Variants in UNC79 observed in about 807,000 individuals in gnomAD.
UNC79 encodes the protein protein unc-79 homolog.
A neutral mutation model predicts 283.1 loss-of-function variants in UNC79; 37 were observed. That is an observed-to-expected ratio of 0.13 (90% confidence interval 0.10 to 0.17). UNC79 has a LOEUF of 0.17. Ranked by LOEUF, UNC79 falls within the 10% of genes least tolerant of loss-of-function variation. The probability of loss-of-function intolerance (pLI) is 1.00; values close to 1 mark genes in which losing one functional copy is unlikely to be tolerated. For missense variants in UNC79, 2,272 were observed against 3,211.1 expected, an observed-to-expected ratio of 0.71 and a Z score of 7.07; for synonymous variants, 1,107 against 1,200.2, an observed-to-expected ratio of 0.92 and a Z score of 1.61.
Position 93,680,099 on chromosome 14 carries a change from C to T in UNC79, c.6742-2518C>T, listed in dbSNP as rs145073536. On this transcript the variant is annotated intron_variant, in intron 41 of 48. Transcript: ENST00000555664. ...TTAATATGCCGGATTCTCTGTGTACCTCCTTTACTTTTAGGGTGATTTTTG... is the reference window on the plus strand; with the variant it reads ...TTAATATGCCGGATTCTCTGTGTACTTCCTTTACTTTTAGGGTGATTTTTG... 1.7e-3 allele frequency among the ~76,000 whole-genome samples: 261 copies of T among 152,170 alleles called. 1 individual carries two copies. The highest frequency in any genetic ancestry group is 5.8e-3 in the African/African-American group (241 of 41,524).
intron 1 of UNC79, among the ~76,000 whole-genome samples, chr14:93,335,328 G>T (rs1028514134): frequency 2.6e-5 from 4 of 152,186 alleles, no homozygotes; most frequent in Non-Finnish European, 5.9e-5. Context: ...ACACTCATCA[G>T]AATTTAGATG....
chr14:93,590,917 G>A (rs989295150), intron 22 of UNC79, among the ~76,000 whole-genome samples: 24 of 152,162 alleles, frequency 1.6e-4, no homozygotes, highest in Admixed American at 1.0e-3. Context: ...TTGTGCTCTG[G>A]AAGCATCATC....
At chr14:93,509,727 C>T (rs1480392013) in intron 7 of UNC79, among the ~76,000 whole-genome samples, 2 of 152,162 alleles carry the variant, frequency 1.3e-5, no homozygotes, top group Non-Finnish European at 2.9e-5. Flanking sequence ...CTGCAAGGTA[C>T]ATCCTCTGCA....
chr14:93,460,586 G>A (rs72691022), intron 1 of UNC79, among the ~76,000 whole-genome samples: 12,957 of 151,614 alleles, frequency 0.085, 608 homozygotes, highest in Middle Eastern at 0.14. Context: ...ACTTAATGAT[G>A]TATATACTCT....
intron 38 of UNC79, 21 bp from the exon 42 acceptor site, chr14:93,659,172 T>C: frequency 1.3e-6 from 2 of 1,580,252 alleles, no homozygotes; most frequent in Non-Finnish European, 1.7e-6. Context: ...AATTTTTACT[T>C]TTTTTCATAT....
chr14:93,610,139 T>C (rs2066196090), intron 26 of UNC79, among the ~76,000 whole-genome samples: 1 of 151,920 alleles, frequency 6.6e-6, no homozygotes, highest in Middle Eastern at 3.2e-3. Flanking sequence ...AGAAGAAGGG[T>C]TTTTAAATAT....
intron 1 of UNC79, among the ~76,000 whole-genome samples, chr14:93,418,829 G>A (rs1213766666): frequency 6.6e-6 from 1 of 151,830 alleles, no homozygotes; most frequent in Non-Finnish European, 1.5e-5. Flanking sequence ...TCCAAGCCAG[G>A]TGCGCAATAT....
intron 1 of UNC79, among the ~76,000 whole-genome samples, chr14:93,350,607 C>G (rs1330913065): frequency 6.6e-6 from 1 of 152,100 alleles, no homozygotes; most frequent in African/African-American, 2.4e-5. Context: ...AGGTTAGCCC[C>G]TTACATTAAA....
intron 7 of UNC79, among the ~76,000 whole-genome samples, chr14:93,522,562 A>G (rs1407195548): frequency 6.6e-6 from 1 of 152,162 alleles, no homozygotes; most frequent in Non-Finnish European, 1.5e-5. Context: ...TTGTACAAGA[A>G]AACTTGTTAC....
At chr14:93,356,398 C>T (rs2054087137) in intron 1 of UNC79, among the ~76,000 whole-genome samples, 1 of 152,226 alleles carries the variant, frequency 6.6e-6, no homozygotes, top group African/African-American at 2.4e-5. Flanking sequence ...TTCACCCAAT[C>T]ACCTGATTCC....
intron 2 of UNC79, 31 bp downstream of exon 2, chr14:93,467,822 G>T (rs1372705544): frequency 6.8e-7 from 1 of 1,475,184 alleles, no homozygotes; most frequent in East Asian, 2.7e-5. Context: ...TACTTTGAGA[G>T]AATTATTAGG....
intron 35 of UNC79, among the ~76,000 whole-genome samples, chr14:93,647,491 T>C (rs1323995353): frequency 1.3e-5 from 2 of 152,196 alleles, no homozygotes; most frequent in Non-Finnish European, 2.9e-5. Flanking sequence ...GAGTGATCCA[T>C]GCAGTAATTT....
intron 30 of UNC79, 152 bp from the exon 33 acceptor site, chr14:93,630,649 G>A: frequency 1.6e-6 from 1 of 614,198 alleles, no homozygotes; most frequent in Non-Finnish European, 2.9e-6. Context: ...TGTAACTAGT[G>A]TATATGTAAT....
At chr14:93,659,111 T>C in intron 38 of UNC79, 82 bp from the exon 42 acceptor site, 27 of 1,125,878 alleles carry the variant, frequency 2.4e-5, no homozygotes, top group Non-Finnish European at 3.4e-5. Flanking sequence ...TTTGCTAAAC[T>C]AAATGCTTTC....
At chr14:93,683,399 T>A (rs1202504689) in intron 42 of UNC79, among the ~76,000 whole-genome samples, 3 of 151,746 alleles carry the variant, frequency 2.0e-5, no homozygotes, top group Non-Finnish European at 4.4e-5. Context: ...AGTCTAAAAG[T>A]GTGTGGTTTT....
chr14:93,513,985 G>C (rs1567032615), intron 7 of UNC79, among the ~76,000 whole-genome samples: 1 of 152,158 alleles, frequency 6.6e-6, no homozygotes. Flanking sequence ...ACATACAGTA[G>C]AAAGAAGGAA....
Position 93,445,729 on chromosome 14 carries a change from G to C in UNC79, c.22+14678G>C, listed in dbSNP as rs115861817. The stretch of plus-strand genomic sequence containing the variant: ...GATAAATTCACCATTGAAGCCATTA[G>C]AGCCTGGAGGTTCTTTTTTTGGGGG... On this transcript the variant is annotated intron_variant, in intron 1 of 48. Coordinates refer to ENST00000555664, the Ensembl canonical transcript of UNC79. Among the ~76,000 whole-genome samples, 717 of 152,260 alleles carry C rather than the reference G, an allele frequency of 4.7e-3. 4 individuals carry two copies. Among genetic ancestry groups the C allele is most frequent in the African/African-American group, 0.016 (674 of 41,544 alleles).
At chr14:93,645,452 C>G (rs1351906436) in intron 34 of UNC79, among the ~76,000 whole-genome samples, 2 of 152,214 alleles carry the variant, frequency 1.3e-5, no homozygotes, top group African/African-American at 4.8e-5. Flanking sequence ...ATCACCAAAG[C>G]TACCAAGAAA....
At position 93,703,191 on chromosome 14, in the gene UNC79, A is replaced by G. The variant is rs567280549; in HGVS notation, c.7549-1434A>G. 2.5e-3 allele frequency among the ~76,000 whole-genome samples: 375 copies of G among 152,196 alleles called. 4 individuals carry two copies. Among genetic ancestry groups the G allele is most frequent in the African/African-American group, 8.7e-3 (361 of 41,520 alleles). ...CACACTCCCACCAATGAGCTTCGCC[A>G]TGCCTTCTCTCTGCTTCCTGGAATG... On this transcript the variant is annotated intron_variant, in intron 47 of 48. Coordinates refer to ENST00000555664, the Ensembl canonical transcript of UNC79.
Sources: allele counts gnomAD v4.1 joint callset (sites outside exome capture counted in the v4.1 genomes callset), GRCh38; gene constraint gnomAD v4.1.1; transcripts MANE v1.5; gene names NCBI Gene and HGNC (gene_info 2026-07-23, HGNC 2026-07-21).